QTMAN: variants seen among roughly 807,000 people sequenced by gnomAD.
The protein encoded by QTMAN is queuosine-tRNA mannosyltransferase.
the QTMAN span, among the ~76,000 whole-genome samples, chr2:144,123,001 T>C: frequency 6.6e-6 from 1 of 152,022 alleles, no homozygotes; most frequent in Non-Finnish European, 1.5e-5. Flanking sequence ...AACAATAATA[T>C]CCTATAAAAG....
At chr2:144,243,974 G>A in the QTMAN span, among the ~76,000 whole-genome samples, 1 of 152,172 alleles carries the variant, frequency 6.6e-6, no homozygotes, top group South Asian at 2.1e-4. Flanking sequence ...TATACCTGCT[G>A]TCAAGAAACA....
the QTMAN span, among the ~76,000 whole-genome samples, chr2:144,259,198 G>A: frequency 1.4e-4 from 21 of 152,204 alleles, no homozygotes; most frequent in East Asian, 3.3e-3. Context: ...TCACTGTGTC[G>A]CCCAGGCTGG....
chr2:144,123,253 T>C, the QTMAN span, among the ~76,000 whole-genome samples: 30 of 152,278 alleles, frequency 2.0e-4, no homozygotes, highest in Non-Finnish European at 4.1e-4. Context: ...TATCACATAT[T>C]GTTCTTAGAA....
chr2:143,992,578 C>T, the QTMAN span, among the ~76,000 whole-genome samples: 1 of 151,836 alleles, frequency 6.6e-6, no homozygotes, highest in Admixed American at 6.6e-5. Context: ...AATAACTTCT[C>T]AATAGCAAAA....
chr2:144,014,480 G>A, the QTMAN span, among the ~76,000 whole-genome samples: 5 of 152,118 alleles, frequency 3.3e-5, no homozygotes, highest in Non-Finnish European at 5.9e-5. Context: ...AGGAATCTGC[G>A]ATAAGATAGG....
At chr2:144,031,859 C>T in the QTMAN span, among the ~76,000 whole-genome samples, 2 of 152,046 alleles carry the variant, frequency 1.3e-5, no homozygotes, top group African/African-American at 2.4e-5. Context: ...TGGGTTCAAG[C>T]GAGTCTCCTG....
chr2:144,268,604 A>T, the QTMAN span, among the ~76,000 whole-genome samples: 1 of 152,240 alleles, frequency 6.6e-6, no homozygotes, highest in African/African-American at 2.4e-5. Flanking sequence ...AACTGTAAGA[A>T]ATAAATATCT....
chr2:144,063,371 C>A, the QTMAN span, among the ~76,000 whole-genome samples: 6 of 152,152 alleles, frequency 3.9e-5, no homozygotes, highest in African/African-American at 1.4e-4. Flanking sequence ...TCACTTGCAA[C>A]TTTCTATCAT....
At chr2:144,154,625 C>T in the QTMAN span, among the ~76,000 whole-genome samples, 5 of 152,094 alleles carry the variant, frequency 3.3e-5, no homozygotes, top group Middle Eastern at 3.2e-3. Context: ...AAAGAACTTG[C>T]CTGATCACCA....
chr2:143,977,731 G>C, the QTMAN span, among the ~76,000 whole-genome samples: 3 of 152,150 alleles, frequency 2.0e-5, no homozygotes, highest in Non-Finnish European at 4.4e-5. Flanking sequence ...TCATCATATT[G>C]AAATGGGCCA....
the QTMAN span, among the ~76,000 whole-genome samples, chr2:144,147,817 T>C: frequency 6.6e-6 from 1 of 151,894 alleles, no homozygotes; most frequent in Admixed American, 6.6e-5. Flanking sequence ...AAAGTGATAT[T>C]ATGTATTTCC....
chr2:144,074,082 T>C, the QTMAN span, among the ~76,000 whole-genome samples: 1 of 152,208 alleles, frequency 6.6e-6, no homozygotes, highest in East Asian at 1.9e-4. Flanking sequence ...ATTTGATTTG[T>C]TGAACAACCA....
the QTMAN span, chr2:144,006,634 C>T: frequency 2.6e-5 from 4 of 152,068 alleles, no homozygotes; most frequent in African/African-American, 9.7e-5. Flanking sequence ...TGATTTTCCT[C>T]TGTTTAGAAA....
chr2:143,944,829 CCA>C, the QTMAN span: 1 of 152,056 alleles, frequency 6.6e-6, no homozygotes, highest in Non-Finnish European at 1.5e-5. Context: ...AAAAAAATGC[CCA>C]CATACAGGTA....
chr2:144,279,813 T>C, the QTMAN span, among the ~76,000 whole-genome samples: 1 of 152,178 alleles, frequency 6.6e-6, no homozygotes, highest in East Asian at 1.9e-4. Context: ...ACAGCCAAAA[T>C]GTTCCCAGAG....
chr2:143,952,753 A>C, the QTMAN span: 2 of 1,454,370 alleles, frequency 1.4e-6, no homozygotes. Context: ...ATAAAGATGA[A>C]TGTACATTAA....
chr2:144,279,373 GAAAAA>G, the QTMAN span, among the ~76,000 whole-genome samples: 1 of 70,840 alleles, frequency 1.4e-5, no homozygotes. Flanking sequence ...CTCACCGCAA[GAAAAA>G]AAAAAAAAAA....
chr2:144,185,875 T>C, the QTMAN span, among the ~76,000 whole-genome samples: 7 of 152,208 alleles, frequency 4.6e-5, no homozygotes, highest in African/African-American at 1.7e-4. Context: ...TTGCTTAAAT[T>C]TGTCAAAAAG....
the QTMAN span, among the ~76,000 whole-genome samples, chr2:143,960,789 C>T: frequency 6.6e-6 from 1 of 151,662 alleles, no homozygotes; most frequent in Non-Finnish European, 1.5e-5. Flanking sequence ...ACATGTAACC[C>T]CCTGAACCTA....
Sources: gnomAD v4.1 joint callset for allele counts (sites outside exome capture counted in the v4.1 genomes callset) on GRCh38, gnomAD v4.1.1 for gene constraint, MANE v1.5 for transcripts, NCBI Gene and HGNC (gene_info 2026-07-23, HGNC 2026-07-21) for gene names.